The following NEK4 variants were observed in gnomAD, a reference collection of about 807,000 sequenced individuals.
NEK4 encodes serine/threonine-protein kinase Nek4.
Under a neutral mutation model 98.4 loss-of-function variants are expected in NEK4, and 86 were observed. That is an observed-to-expected ratio of 0.87 (90% CI 0.73 to 1.05). NEK4 has a LOEUF of 1.05. Among genes scored for constraint, NEK4 ranks in the 50% least tolerant of loss-of-function variants. The pLI is 0.00. For synonymous variants in NEK4, 328 were observed against 342.2 expected (o/e 0.96, Z 0.46); for missense variants, 898 against 950.3 (o/e 0.94, Z 0.72).
intron 12 of NEK4, among the ~76,000 whole-genome samples, chr3:52,742,131 G>A (rs558653024): frequency 6.6e-6 from 1 of 152,300 alleles, no homozygotes; most frequent in African/African-American, 2.4e-5. Flanking sequence ...GAAATTTCCA[G>A]AGGACAGTGG....
At chr3:52,750,095 A>G (rs1161102656) in intron 7 of NEK4, among the ~76,000 whole-genome samples, 1 of 152,252 alleles carries the variant, frequency 6.6e-6, no homozygotes, top group East Asian at 1.9e-4. Flanking sequence ...TTCTACCCCT[A>G]GGTACATACT....
intron 6 of NEK4, among the ~76,000 whole-genome samples, chr3:52,757,920 A>C (rs1698184590): frequency 6.6e-6 from 1 of 152,138 alleles, no homozygotes; most frequent in African/African-American, 2.4e-5. Context: ...TCACACCTGT[A>C]ATCTCAGCAT....
Position 52,766,188 on chromosome 3 carries a change from T to G in NEK4, c.548A>C (p.Tyr183Ser), listed in dbSNP as rs768759100. Residue 183 changes from tyrosine (Y) to serine (S), a missense_variant, in exon 3 of 16, where the codon TAC becomes TCC. Tyr to Ser is a moderately radical substitution (Grantham distance 144). Coordinates refer to ENST00000233027, the MANE Select transcript of NEK4 (RefSeq NM_003157.6). ...AGAGCCCAATCCTACCTTATAGTTG[T>G]AGGGTTTGTTTGAGAACAATTCAGG... is the stretch of plus-strand genomic sequence containing the variant. Reference protein sequence around the residue: ...MSPELFSNKPYNYKSDVWALG... With the variant: ...MSPELFSNKPSNYKSDVWALG... 22 of 1,613,854 alleles carry G rather than the reference T, an allele frequency of 1.4e-5. No individual in the cohort carries two copies. The Admixed American group carries it at 2.8e-4, about 21-fold the overall frequency.
intron 4 of NEK4, 43 bp downstream of exon 4, chr3:52,765,844 C>T (rs749837257): frequency 4.3e-6 from 5 of 1,162,500 alleles, no homozygotes; most frequent in Non-Finnish European, 6.5e-6. Context: ...TATAAAGCTG[C>T]ACTATAGAAA....
chr3:52,760,319 C>G (rs751417677), intron 6 of NEK4, among the ~76,000 whole-genome samples: 20 of 152,084 alleles, frequency 1.3e-4, no homozygotes, highest in Admixed American at 3.9e-4. Context: ...CAGGTTCAAG[C>G]GATTCTCCTC....
intron 15 of NEK4, among the ~76,000 whole-genome samples, chr3:52,721,430 C>A (rs2097360000): frequency 6.6e-6 from 1 of 151,986 alleles, no homozygotes; most frequent in Non-Finnish European, 1.5e-5. Flanking sequence ...ATTGAAGGAG[C>A]AGGATGTTCC....
At chr3:52,754,787 C>T in intron 6 of NEK4, 1 of 336,770 alleles carries the variant, frequency 3.0e-6, no homozygotes, top group South Asian at 2.6e-5. Flanking sequence ...AAAAACAAAA[C>T]TGTGGGCCGG....
intron 9 of NEK4, 144 bp downstream of exon 9, chr3:52,746,590 C>A: frequency 1.4e-6 from 1 of 702,294 alleles, no homozygotes. Flanking sequence ...TATTTGAAAA[C>A]TACTATTTAG....
chr3:52,743,572 C>A (rs2097390474), intron 11 of NEK4, 111 bp from the exon 12 acceptor site: 2 of 732,260 alleles, frequency 2.7e-6, no homozygotes, highest in Non-Finnish European at 4.7e-6. Flanking sequence ...AAAAGTAAGT[C>A]AAACAGCATA....
At chr3:52,769,401 T>C (rs1698699442) in intron 1 of NEK4, among the ~76,000 whole-genome samples, 1 of 152,220 alleles carries the variant, frequency 6.6e-6, no homozygotes. Context: ...TACAAAATTA[T>C]TCACACTTAA....
chr3:52,745,368 G>A (rs2097394229), intron 10 of NEK4, among the ~76,000 whole-genome samples: 1 of 151,932 alleles, frequency 6.6e-6, no homozygotes, highest in African/African-American at 2.4e-5. Flanking sequence ...ATCATCTGAG[G>A]TCAGGAGTTT....
At position 52,766,367 on chromosome 3, in the gene NEK4, A is replaced by C. The variant is rs750076497; in HGVS notation, c.369T>G (p.His123Gln). The change falls in exon 3 of 16, where the codon CAT becomes CAG. Residue 123 changes from histidine (H) to glutamine (Q), a missense_variant. Transcript: ENST00000233027. ...VQIAMALQYL[H>Q]EKHILHRDLK... The stretch of plus-strand genomic sequence containing the variant: ...GATCTCGATGAAGGATGTGTTTTTC[A>C]TGTAAATACTGAGGAAAGAAACAAG... 3.1e-6 allele frequency: 5 copies of C among 1,610,954 alleles called. No homozygotes were observed. Among genetic ancestry groups the C allele is most frequent in the Non-Finnish European group, 4.2e-6 (5 of 1,177,140 alleles).
intron 15 of NEK4, chr3:52,733,109 T>A (rs1166111871): frequency 5.6e-6 from 1 of 179,344 alleles, no homozygotes; most frequent in Non-Finnish European, 1.2e-5. Context: ...AGGAAAAATC[T>A]TATGGACGTA....
At chr3:52,764,351 G>A (rs1271757261) in intron 4 of NEK4, among the ~76,000 whole-genome samples, 4 of 151,740 alleles carry the variant, frequency 2.6e-5, no homozygotes, top group Non-Finnish European at 5.9e-5. Flanking sequence ...CAAGACTTGG[G>A]CCGGGTGCAG....
chr3:52,759,745 G>A (rs760253058), intron 6 of NEK4, among the ~76,000 whole-genome samples: 1 of 152,126 alleles, frequency 6.6e-6, no homozygotes, highest in Non-Finnish European at 1.5e-5. Flanking sequence ...CCACTGCTAG[G>A]TATGTACCCA....
chr3:52,737,688 T>C lies in NEK4; in HGVS notation c.2331A>G (p.Arg777=). 1 of 1,613,584 alleles carries C rather than the reference T, an allele frequency of 6.2e-7. No homozygotes were observed. The highest frequency in any genetic ancestry group is 8.5e-7 in the Non-Finnish European group (1 of 1,179,716). ...CATCAGTTCTCAAGACTTCAACTAG[T>C]CTCCTGATCTTTTCAGAACCTGGCA... ...AIMPGSEKIR[R]LVEVLRTDVI... Residue 777 remains arginine, a synonymous_variant, in exon 15 of 16, where the codon AGA becomes AGG. Coordinates refer to ENST00000233027, the MANE Select transcript of NEK4 (RefSeq NM_003157.6).
chr3:52,741,392 C>T lies in NEK4; in HGVS notation c.2093+19G>A. 6.9e-7 allele frequency: 1 copy of T among 1,455,624 alleles called. No individual in the cohort carries two copies. Among genetic ancestry groups the T allele is most frequent in the South Asian group, 1.2e-5 (1 of 86,902 alleles). 90.2% of individuals were successfully genotyped at this position (1,455,624 alleles called of 1,614,324 possible). On this transcript the variant is annotated intron_variant, in intron 13 of 15. Transcript: ENST00000233027. ...AACAGAAATAGTTTATAAAGGGAGA[C>T]AGAAAAACAAGAACTTACCCTTCCC...
chr3:52,753,930 G>A lies in NEK4; in HGVS notation c.964-1594C>T, dbSNP rs959393435. The A allele has an allele frequency of 3.5e-5, 11 of 312,330 alleles. No individual in the cohort carries two copies. In the Admixed American group the frequency reaches 3.9e-4, roughly 11 times the overall value. The allele number at this position is 312,330 out of a possible 1,614,324, so 19.3% of individuals were successfully genotyped here. A position where few individuals can be genotyped will look rare whatever the true frequency, so the allele number is the denominator to read the frequency against. Reference sequence around the variant, plus strand: ...CACACCTATAATCCCAGCACTTTGAGAGTCCGAGGCGGTGGAGCACTCAGG... The same window carrying A: ...CACACCTATAATCCCAGCACTTTGAAAGTCCGAGGCGGTGGAGCACTCAGG... On this transcript the variant is annotated intron_variant, in intron 6 of 15. Transcript: ENST00000233027.
intron 8 of NEK4, among the ~76,000 whole-genome samples, chr3:52,747,731 G>A (rs1036729442): frequency 6.6e-6 from 1 of 151,454 alleles, no homozygotes; most frequent in African/African-American, 2.4e-5. Context: ...GACCACTGGA[G>A]GCCACGAGTT....
Sources: gnomAD v4.1 joint callset for allele counts (sites outside exome capture counted in the v4.1 genomes callset) on GRCh38, gnomAD v4.1.1 for gene constraint, MANE v1.5 for transcripts, NCBI Gene and HGNC (gene_info 2026-07-23, HGNC 2026-07-21) for gene names.